NAV2: variants seen among roughly 807,000 people sequenced by gnomAD.
The protein encoded by NAV2 is neuron navigator 2.
A neutral mutation model predicts 223.2 loss-of-function variants in NAV2; 54 were observed. The observed-to-expected ratio is 0.24, with a 90% CI of 0.19 to 0.30. NAV2 has a LOEUF of 0.30. NAV2 is among the 10% of genes least tolerant of loss of function. The pLI, the probability that NAV2 is intolerant of heterozygous loss-of-function variation, is 1.00. For missense variants in NAV2, 2,806 were observed against 3,147.5 expected, an observed-to-expected ratio of 0.89 and a Z score of 2.60; for synonymous variants, 1,279 against 1,239.3, an observed-to-expected ratio of 1.03 and a Z score of -0.67.
intron 1 of NAV2, among the ~76,000 whole-genome samples, chr11:19,530,289 C>T (rs1590423200): frequency 6.6e-6 from 1 of 152,314 alleles, no homozygotes; most frequent in Non-Finnish European, 1.5e-5. Flanking sequence ...TATCCACAGG[C>T]AGGCAGGGTG....
chr11:19,551,069 G>GT (rs1183040530), intron 1 of NAV2, among the ~76,000 whole-genome samples: 1 of 152,270 alleles, frequency 6.6e-6, no homozygotes, highest in Non-Finnish European at 1.5e-5. Context: ...TGCTGGAGCT[G>GT]TGGCACTGCC....
At chr11:19,379,871 C>T (rs1321927126) in intron 1 of NAV2, among the ~76,000 whole-genome samples, 9 of 152,154 alleles carry the variant, frequency 5.9e-5, no homozygotes, top group African/African-American at 2.2e-4. Context: ...TCTACTCCCG[C>T]CAGCACCAAT....
rs906753457 is a variant in NAV2 at position 19,998,542 on chromosome 11, C to T, written c.2768+14295C>T. The stretch of plus-strand genomic sequence containing the variant: ...ATAAAGGTCAGACTCCTTGCCGTGG[C>T]CTCCAAGGGGGTGTGTGTTCTGGCC... On this transcript the variant is annotated intron_variant, in intron 11 of 37. Coordinates refer to ENST00000349880, the MANE Select transcript of NAV2 (RefSeq NM_145117.5). This position sits in a 1 kb window ranked among gnomAD's most constrained non-coding sequence, Gnocchi z 5.0. 1.1e-4 allele frequency among the ~76,000 whole-genome samples: 16 copies of T among 152,152 alleles called. No homozygotes were observed. The highest frequency in any genetic ancestry group is 2.6e-4 in the Admixed American group (4 of 15,274).
chr11:19,884,945 C>G (rs2063439285), intron 5 of NAV2, among the ~76,000 whole-genome samples: 1 of 152,152 alleles, frequency 6.6e-6, no homozygotes, highest in African/African-American at 2.4e-5. Context: ...ATGGAGACCG[C>G]CTCAGTTCCC....
At chr11:20,057,990 C>T (rs551684418) in intron 19 of NAV2, among the ~76,000 whole-genome samples, 22 of 152,104 alleles carry the variant, frequency 1.4e-4, no homozygotes, top group African/African-American at 1.9e-4. Context: ...GGATAGGGAC[C>T]GCTGTCAATA....
At chr11:20,029,070 T>A (rs1386207671) in intron 11 of NAV2, among the ~76,000 whole-genome samples, 1 of 152,124 alleles carries the variant, frequency 6.6e-6, no homozygotes, top group Non-Finnish European at 1.5e-5. Flanking sequence ...GAAAATGGAG[T>A]TACCTGTTCG....
chr11:19,859,980 C>T (rs1402164468), intron 3 of NAV2, among the ~76,000 whole-genome samples: 2 of 122,616 alleles, frequency 1.6e-5, no homozygotes, highest in Non-Finnish European at 1.7e-5. Flanking sequence ...GATGGGGCGG[C>T]TGGCCAGGCG....
At chr11:19,921,543 G>T (rs976507694) in intron 6 of NAV2, among the ~76,000 whole-genome samples, 1 of 152,222 alleles carries the variant, frequency 6.6e-6, no homozygotes, top group Non-Finnish European at 1.5e-5. Flanking sequence ...AACAAACTTT[G>T]TTGTAAAGTT....
At chr11:19,774,993 A>G (rs1283603359) in intron 1 of NAV2, among the ~76,000 whole-genome samples, 1 of 152,154 alleles carries the variant, frequency 6.6e-6, no homozygotes, top group Non-Finnish European at 1.5e-5. Flanking sequence ...TTTCCCAGAA[A>G]ATGTATAAAT....
intron 1 of NAV2, among the ~76,000 whole-genome samples, chr11:19,701,721 C>T (rs779426723): frequency 2.6e-5 from 4 of 152,160 alleles, no homozygotes; most frequent in Non-Finnish European, 5.9e-5. Context: ...TAGTGTCTTG[C>T]CCCACTGTTT....
intron 10 of NAV2, among the ~76,000 whole-genome samples, chr11:19,959,177 A>G (rs2048146503): frequency 6.6e-6 from 1 of 152,146 alleles, no homozygotes; most frequent in African/African-American, 2.4e-5. Context: ...AGATTGTCTC[A>G]GGCCTCTCAG....
intron 1 of NAV2, chr11:19,503,687 C>T (rs936452567): frequency 1.3e-5 from 2 of 152,302 alleles, no homozygotes; most frequent in Non-Finnish European, 2.9e-5. Flanking sequence ...ACAATGGATA[C>T]AGTCACCTAC....
At position 19,589,477 on chromosome 11, in the gene NAV2, C is replaced by T. The variant is rs145456839; in HGVS notation, c.75+238450C>T. ...AAGGGAGGTCAGGAAGGTCAGGGCC[C>T]TGGAAAAAGGACATTTGAGGAGGAG... On this transcript the variant is annotated intron_variant, in intron 1 of 37. Coordinates refer to the NAV2 transcript ENST00000360655. Among the ~76,000 whole-genome samples, 5 of 152,218 alleles carry T rather than the reference C, an allele frequency of 3.3e-5. No individual in the cohort carries two copies. The East Asian group carries it at 9.7e-4, about 29-fold the overall frequency.
At chr11:19,383,982 A>T (rs1273016103) in intron 1 of NAV2, among the ~76,000 whole-genome samples, 8 of 152,248 alleles carry the variant, frequency 5.3e-5, no homozygotes, top group African/African-American at 1.9e-4. Flanking sequence ...GAAACAAGGT[A>T]AATTTTCAGC....
At chr11:20,043,402 T>C (rs991638868) in intron 12 of NAV2, among the ~76,000 whole-genome samples, 3 of 152,196 alleles carry the variant, frequency 2.0e-5, no homozygotes, top group Admixed American at 6.5e-5. Context: ...TTCCTTCTTT[T>C]TTCCTGGGCC....
intron 3 of NAV2, among the ~76,000 whole-genome samples, chr11:19,853,583 A>C (rs1190123106): frequency 6.6e-6 from 1 of 152,164 alleles, no homozygotes; most frequent in African/African-American, 2.4e-5. Flanking sequence ...TTCTTTTTGC[A>C]ATGTGGCCCA....
intron 1 of NAV2, among the ~76,000 whole-genome samples, chr11:19,696,509 C>T (rs116977098): frequency 0.042 from 6,364 of 152,234 alleles, 198 homozygotes; most frequent in Non-Finnish European, 0.067. Context: ...AAATATCAAC[C>T]GTATTTACTA....
intron 8 of NAV2, among the ~76,000 whole-genome samples, chr11:19,945,131 T>C (rs1468957376): frequency 1.3e-5 from 2 of 148,630 alleles, no homozygotes; most frequent in Non-Finnish European, 3.0e-5. Context: ...CTTTCTTTCT[T>C]TCTTTCTTCC....
chr11:19,801,719 T>C (rs1046795881), intron 1 of NAV2, among the ~76,000 whole-genome samples: 1 of 152,186 alleles, frequency 6.6e-6, no homozygotes, highest in Non-Finnish European at 1.5e-5. Context: ...TGGCTGAATC[T>C]GAGTTCAAAT....
Sources: gnomAD v4.1 joint callset for allele counts (sites outside exome capture counted in the v4.1 genomes callset) on GRCh38, gnomAD v4.1.1 for gene constraint, Gnocchi (gnomAD v3.1) non-coding constraint, MANE v1.5 for transcripts, NCBI Gene and HGNC (gene_info 2026-07-23, HGNC 2026-07-21) for gene names.